The following CNIH3 variants were observed in gnomAD, a reference collection of about 807,000 sequenced individuals.
CNIH3 encodes the protein protein cornichon homolog 3.
CNIH3 carries 14 observed loss-of-function variants against 24.1 expected under a neutral mutation model. The ratio of observed to expected loss-of-function variants is 0.58; its 90% CI spans 0.38 to 0.91. The LOEUF is 0.91. Ranked by LOEUF, CNIH3 falls within the 40% of genes least tolerant of loss-of-function variation. CNIH3 has a pLI of 0.00. For missense variants in CNIH3, 178 were observed against 196.8 expected (o/e 0.90, Z 0.57); for synonymous variants, 68 against 73.8 (o/e 0.92, Z 0.40).
At chr1:224,697,961 T>C (rs1687262079) in intron 3 of CNIH3, among the ~76,000 whole-genome samples, 1 of 152,188 alleles carries the variant, frequency 6.6e-6, no homozygotes, top group Non-Finnish European at 1.5e-5. Context: ...CTGAATTAAT[T>C]CGCATGCTCC....
At chr1:224,674,977 G>A (rs1416231063) in intron 1 of CNIH3, among the ~76,000 whole-genome samples, 2 of 152,106 alleles carry the variant, frequency 1.3e-5, no homozygotes, top group Non-Finnish European at 2.9e-5. Flanking sequence ...AGGCAGGGCC[G>A]GGCCCCAGGC....
chr1:224,600,138 C>A (rs546926613), intron 3 of CNIH3, among the ~76,000 whole-genome samples: 59 of 151,526 alleles, frequency 3.9e-4, no homozygotes, highest in Non-Finnish European at 7.2e-4. Flanking sequence ...TTTTTAATTT[C>A]AATTCCAAGA....
intron 4 of CNIH3, among the ~76,000 whole-genome samples, chr1:224,731,814 A>G (rs571366962): frequency 6.6e-6 from 1 of 152,390 alleles, no homozygotes; most frequent in South Asian, 2.1e-4. Context: ...AGGGCCCAGC[A>G]TGTGCAAAGG....
At chr1:224,500,352 A>G (rs930941257) in intron 1 of CNIH3, among the ~76,000 whole-genome samples, 2 of 152,102 alleles carry the variant, frequency 1.3e-5, no homozygotes, top group Non-Finnish European at 2.9e-5. Context: ...AATGGTTGCC[A>G]GCAGCCTTCA....
upstream of CNIH3, among the ~76,000 whole-genome samples, chr1:224,512,371 A>C (rs748391568): frequency 6.6e-6 from 1 of 152,076 alleles, no homozygotes; most frequent in Non-Finnish European, 1.5e-5. Flanking sequence ...AGTTCTAGCT[A>C]CTTGGGAGGC....
At chr1:224,460,718 A>G (rs1341003843) in intron 1 of CNIH3, among the ~76,000 whole-genome samples, 5 of 151,532 alleles carry the variant, frequency 3.3e-5, no homozygotes, top group Admixed American at 3.3e-4. Context: ...CCTTTGTGTT[A>G]TTCTTGGGTA....
chr1:224,568,586 A>T (rs181838825), intron 4 of CNIH3, among the ~76,000 whole-genome samples: 1 of 152,104 alleles, frequency 6.6e-6, no homozygotes, highest in East Asian at 1.9e-4. Context: ...GTGAGACCTC[A>T]TCTCTACAAA....
chr1:224,492,572 T>C (rs916984455), intron 1 of CNIH3, among the ~76,000 whole-genome samples: 6 of 152,382 alleles, frequency 3.9e-5, no homozygotes, highest in African/African-American at 1.4e-4. Context: ...AATCTATTAA[T>C]ATATTCTACA....
intron 1 of CNIH3, among the ~76,000 whole-genome samples, chr1:224,669,105 G>C (rs1473354494): frequency 6.6e-6 from 1 of 152,202 alleles, no homozygotes; most frequent in Admixed American, 6.5e-5. Flanking sequence ...CCCTGACCCA[G>C]ATGGCTGCTG....
exon 1 of CNIH3, chr1:224,434,756 T>TGCTCC (rs1674564548): frequency 3.3e-5 from 33 of 986,526 alleles, no homozygotes; most frequent in Middle Eastern, 5.2e-4. Flanking sequence ...CGCTCCGCTC[T>TGCTCC]GCTCCCTGGT....
intron 1 of CNIH3, among the ~76,000 whole-genome samples, chr1:224,510,661 G>A (rs6426133): frequency 0.27 from 40,713 of 151,366 alleles, 6,556 homozygotes; most frequent in African/African-American, 0.45. Flanking sequence ...TGTCCTGGCC[G>A]GTCAATGCAG....
At chr1:224,637,384 C>T (rs962714482) in intron 1 of CNIH3, among the ~76,000 whole-genome samples, 23 of 151,072 alleles carry the variant, frequency 1.5e-4, no homozygotes, top group Non-Finnish European at 2.2e-4. Context: ...CCACCCTCCC[C>T]ACCCCCCAAG....
chr1:224,627,630 C>T (rs1445194986), intron 1 of CNIH3, among the ~76,000 whole-genome samples: 3 of 152,190 alleles, frequency 2.0e-5, no homozygotes, highest in African/African-American at 7.2e-5. Context: ...TGGCAGTGTG[C>T]AGTGGGTCCT....
At chr1:224,533,096 TGTGAGAAAAG>T (rs1485865570) in intron 2 of CNIH3, among the ~76,000 whole-genome samples, 2 of 152,140 alleles carry the variant, frequency 1.3e-5, no homozygotes, top group African/African-American at 4.8e-5. Flanking sequence ...TGAGTCAGGC[TGTGAGAAAAG>T]GTTAGACTTT....
chr1:224,646,292 C>T (rs942163000), intron 1 of CNIH3, among the ~76,000 whole-genome samples: 5 of 152,190 alleles, frequency 3.3e-5, no homozygotes, highest in African/African-American at 4.8e-5. Flanking sequence ...ACTGAGGCAA[C>T]GTTAATACAG....
At position 224,694,872 on chromosome 1, in the gene CNIH3, G is replaced by C. The variant is rs189876769; in HGVS notation, c.198+10029G>C. On this transcript the variant is annotated intron_variant, in intron 3 of 5. Coordinates refer to ENST00000272133, the MANE Select transcript of CNIH3 (RefSeq NM_152495.2). ...AAATATCATATATTCTCACTTATAA[G>C]TGGGAGCTAAGCTATGAGAATGCAA... Among the ~76,000 whole-genome samples, 59 of 152,250 alleles carry C rather than the reference G, an allele frequency of 3.9e-4. 2 individuals are homozygous for C. Among genetic ancestry groups the C allele is most frequent in the Admixed American group, 1.0e-3 (16 of 15,294 alleles).
At chr1:224,543,140 G>A (rs1558145695) in intron 2 of CNIH3, among the ~76,000 whole-genome samples, 1 of 152,156 alleles carries the variant, frequency 6.6e-6, no homozygotes, top group Non-Finnish European at 1.5e-5. Context: ...AATCATGTGG[G>A]CCAATAATTC....
chr1:224,547,813 C>T (rs902211510), intron 3 of CNIH3, among the ~76,000 whole-genome samples: 10 of 151,818 alleles, frequency 6.6e-5, no homozygotes, highest in Non-Finnish European at 1.2e-4. Context: ...GGTGTACATC[C>T]TGTGACATTA....
chr1:224,501,457 G>A (rs550141025), intron 1 of CNIH3, among the ~76,000 whole-genome samples: 2 of 151,074 alleles, frequency 1.3e-5, no homozygotes, highest in African/African-American at 2.4e-5. Context: ...TGATATAAGC[G>A]AATTGCCCAA....
Sources: gnomAD v4.1 joint callset for allele counts (sites outside exome capture counted in the v4.1 genomes callset) on GRCh38, gnomAD v4.1.1 for gene constraint, MANE v1.5 for transcripts, NCBI Gene and HGNC (gene_info 2026-07-23, HGNC 2026-07-21) for gene names.